Variants in CCBE1 observed in about 807,000 individuals in gnomAD.
CCBE1 encodes collagen and calcium binding EGF domains 1.
A neutral mutation model predicts 50.0 loss-of-function variants in CCBE1; 37 were observed. The observed-to-expected ratio is 0.74, with a 90% CI of 0.57 to 0.97. The LOEUF (loss-of-function observed/expected upper bound fraction) is 0.97, where lower values mean the gene tolerates loss of function less well. Ranked by LOEUF, CCBE1 falls within the 50% of genes least tolerant of loss-of-function variation. The probability of loss-of-function intolerance (pLI) is 0.00; values close to 1 mark genes in which losing one functional copy is unlikely to be tolerated. For missense variants in CCBE1, 538 were observed against 523.8 expected (o/e 1.03, Z -0.26); for synonymous variants, 234 against 203.7 (o/e 1.15, Z -1.27).
At chr18:59,617,243 A>G (rs1420606006) in intron 2 of CCBE1, among the ~76,000 whole-genome samples, 1 of 152,198 alleles carries the variant, frequency 6.6e-6, no homozygotes, top group East Asian at 1.9e-4. Flanking sequence ...AGCAAAACCC[A>G]TGTTTCTTTT....
At chr18:59,627,728 A>G (rs2053804370) in intron 2 of CCBE1, among the ~76,000 whole-genome samples, 1 of 152,216 alleles carries the variant, frequency 6.6e-6, no homozygotes, top group Non-Finnish European at 1.5e-5. Context: ...GGAAGCAGCA[A>G]GGATATGCTC....
intron 2 of CCBE1, among the ~76,000 whole-genome samples, chr18:59,589,450 A>G (rs2053226694): frequency 6.6e-6 from 1 of 152,230 alleles, no homozygotes; most frequent in Non-Finnish European, 1.5e-5. Context: ...ACACGATAAT[A>G]TCGACGTAAA....
intron 2 of CCBE1, among the ~76,000 whole-genome samples, chr18:59,658,748 C>T (rs545376875): frequency 7.3e-5 from 11 of 151,294 alleles, no homozygotes; most frequent in Non-Finnish European, 1.6e-4. Context: ...AGCGTGGTAG[C>T]GTGTACCTAT....
chr18:59,659,448 G>T (rs2054252565), intron 2 of CCBE1, among the ~76,000 whole-genome samples: 1 of 152,122 alleles, frequency 6.6e-6, no homozygotes, highest in African/African-American at 2.4e-5. Flanking sequence ...AAAAGGTGGG[G>T]AGGTGGGCAG....
chr18:59,590,878 G>T (rs970369810), intron 2 of CCBE1, among the ~76,000 whole-genome samples: 1 of 151,842 alleles, frequency 6.6e-6, no homozygotes, highest in African/African-American at 2.4e-5. Context: ...AGGATCTGAG[G>T]TGTAAGTGTG....
chr18:59,472,543 G>A (rs1347432435), intron 3 of CCBE1, among the ~76,000 whole-genome samples: 1 of 152,136 alleles, frequency 6.6e-6, no homozygotes, highest in Non-Finnish European at 1.5e-5. Context: ...GACTCTGTAG[G>A]TCTGCTGCAC....
chr18:59,569,016 T>C (rs188586862), intron 2 of CCBE1, among the ~76,000 whole-genome samples: 2 of 152,208 alleles, frequency 1.3e-5, no homozygotes, highest in Non-Finnish European at 2.9e-5. Flanking sequence ...TCACTGGCTG[T>C]TTCCACTCTC....
At chr18:59,664,785 T>C (rs1599115707) in intron 2 of CCBE1, among the ~76,000 whole-genome samples, 1 of 152,270 alleles carries the variant, frequency 6.6e-6, no homozygotes, top group Middle Eastern at 3.4e-3. Flanking sequence ...GCAGTAGGGA[T>C]GGCTAGAAGA....
intron 2 of CCBE1, among the ~76,000 whole-genome samples, chr18:59,662,556 A>G (rs994330415): frequency 7.9e-5 from 12 of 152,232 alleles, no homozygotes; most frequent in African/African-American, 2.9e-4. Flanking sequence ...GGGGGAAATT[A>G]CACAAATAGT....
chr18:59,594,115 A>C (rs868522364), intron 2 of CCBE1, among the ~76,000 whole-genome samples: 1 of 152,174 alleles, frequency 6.6e-6, no homozygotes, highest in East Asian at 1.9e-4. Flanking sequence ...CTCTCCTTCT[A>C]TGGTTCTTGC....
At chr18:59,547,546 C>CA (rs764461832) in intron 2 of CCBE1, among the ~76,000 whole-genome samples, 228 of 152,160 alleles carry the variant, frequency 1.5e-3, no homozygotes, top group Non-Finnish European at 2.4e-3. Context: ...TAAATTAGCA[C>CA]AAAAAACTGA....
intron 2 of CCBE1, among the ~76,000 whole-genome samples, chr18:59,690,223 G>T (rs1022456324): frequency 6.6e-6 from 1 of 152,106 alleles, no homozygotes; most frequent in Admixed American, 6.5e-5. Context: ...AATGAAGCTT[G>T]TTCATAAGAT....
chr18:59,691,127 C>T (rs2054725217), intron 2 of CCBE1, among the ~76,000 whole-genome samples: 1 of 152,218 alleles, frequency 6.6e-6, no homozygotes, highest in South Asian at 2.1e-4. Context: ...TAACAGATTT[C>T]AGTTAAATCT....
At chr18:59,685,440 T>C (rs57310785) in intron 2 of CCBE1, among the ~76,000 whole-genome samples, 4,033 of 152,180 alleles carry the variant, frequency 0.027, 159 homozygotes, top group African/African-American at 0.091. Flanking sequence ...CCTGCAGCAA[T>C]TGCAAAGGAC....
At chr18:59,629,847 C>A (rs1391259823) in intron 2 of CCBE1, among the ~76,000 whole-genome samples, 2 of 152,112 alleles carry the variant, frequency 1.3e-5, no homozygotes, top group Admixed American at 6.6e-5. Context: ...AGCAGGCGAG[C>A]CAGGAGGGCT....
chr18:59,558,127 C>T (rs1035814253), intron 2 of CCBE1, among the ~76,000 whole-genome samples: 6 of 152,186 alleles, frequency 3.9e-5, no homozygotes, highest in African/African-American at 7.2e-5. Flanking sequence ...TAACATCATT[C>T]GCAATTCGCT....
At chr18:59,659,114 T>A (rs1458569445) in intron 2 of CCBE1, among the ~76,000 whole-genome samples, 2 of 152,086 alleles carry the variant, frequency 1.3e-5, no homozygotes, top group Non-Finnish European at 2.9e-5. Context: ...ACACACATTA[T>A]GTGTAAGTTG....
At chr18:59,634,295 C>G (rs1051114229) in intron 2 of CCBE1, among the ~76,000 whole-genome samples, 17 of 152,236 alleles carry the variant, frequency 1.1e-4, no homozygotes, top group African/African-American at 3.9e-4. Flanking sequence ...TAGCTGTAGA[C>G]AGAGAAAAGG....
At chr18:59,676,432 T>C (rs1271065697) in intron 2 of CCBE1, among the ~76,000 whole-genome samples, 2 of 152,174 alleles carry the variant, frequency 1.3e-5, no homozygotes, top group African/African-American at 4.8e-5. Context: ...TCCTGCCCTG[T>C]TTATCTTTTT....
Sources: gnomAD v4.1 joint callset for allele counts (sites outside exome capture counted in the v4.1 genomes callset) on GRCh38, gnomAD v4.1.1 for gene constraint, MANE v1.5 for transcripts, NCBI Gene and HGNC (gene_info 2026-07-23, HGNC 2026-07-21) for gene names.